RTN1: variants seen among roughly 807,000 people sequenced by gnomAD.
RTN1 encodes reticulon 1, also known as reticulon-1.
In RTN1, 25 loss-of-function variants were observed where a neutral mutation model predicts 65.5. The observed-to-expected ratio is 0.38, with a 90% CI of 0.28 to 0.53. RTN1 has a LOEUF of 0.53. Ranked by LOEUF, RTN1 falls within the 20% of genes least tolerant of loss-of-function variation. The probability of loss-of-function intolerance (pLI) is 0.79; values close to 1 mark genes in which losing one functional copy is unlikely to be tolerated. For missense variants in RTN1, 983 were observed against 1,025.4 expected (o/e 0.96, Z 0.57); for synonymous variants, 471 against 447.6 (o/e 1.05, Z -0.66).
At chr14:59,817,361 G>C (rs186644555) in intron 1 of RTN1, among the ~76,000 whole-genome samples, 283 of 152,240 alleles carry the variant, frequency 1.9e-3, no homozygotes, top group Middle Eastern at 0.014. Context: ...TTTTAAAAAA[G>C]ACACTAAACA....
At chr14:59,676,787 A>C (rs1322663467) in intron 3 of RTN1, among the ~76,000 whole-genome samples, 1 of 152,220 alleles carries the variant, frequency 6.6e-6, no homozygotes, top group Admixed American at 6.5e-5. Context: ...ACGGGTTTCT[A>C]AGGTCATTCT....
At chr14:59,749,268 A>ATC (rs1885322663) in intron 1 of RTN1, among the ~76,000 whole-genome samples, 1 of 21,086 alleles carries the variant, frequency 4.7e-5, no homozygotes, top group Non-Finnish European at 7.3e-5. Context: ...ATATATATCT[A>ATC]TATATATATC....
chr14:59,731,288 C>G (rs1383794317), intron 2 of RTN1, among the ~76,000 whole-genome samples: 1 of 151,914 alleles, frequency 6.6e-6, no homozygotes, highest in Non-Finnish European at 1.5e-5. Flanking sequence ...ATGAAATGTC[C>G]AGAATAAGTA....
At chr14:59,627,041 T>C (rs529236482) in intron 3 of RTN1, among the ~76,000 whole-genome samples, 3 of 152,346 alleles carry the variant, frequency 2.0e-5, no homozygotes, top group East Asian at 3.9e-4. Context: ...GGAGGAGTTA[T>C]GGATTTGAAG....
At chr14:59,645,469 T>C (rs1882874319) in intron 3 of RTN1, among the ~76,000 whole-genome samples, 1 of 150,502 alleles carries the variant, frequency 6.6e-6, no homozygotes, top group Non-Finnish European at 1.5e-5. Flanking sequence ...CATGAGTCCC[T>C]GTTCCCGTAT....
chr14:59,747,110 G>T (rs1885244643), intron 1 of RTN1, among the ~76,000 whole-genome samples: 1 of 152,176 alleles, frequency 6.6e-6, no homozygotes. Flanking sequence ...TATTTCATCA[G>T]TTTTCCCTCT....
intron 1 of RTN1, among the ~76,000 whole-genome samples, chr14:59,817,604 A>G (rs1886845593): frequency 6.6e-6 from 1 of 150,760 alleles, no homozygotes; most frequent in African/African-American, 2.4e-5. Flanking sequence ...TAAAGCATCC[A>G]TCTATCTACA....
chr14:59,712,453 C>G (rs762359693), intron 3 of RTN1, among the ~76,000 whole-genome samples: 1 of 152,108 alleles, frequency 6.6e-6, no homozygotes, highest in Non-Finnish European at 1.5e-5. Flanking sequence ...GGAAACCTCC[C>G]GAGAGGCAAC....
At position 59,726,953 on chromosome 14, in the gene RTN1, G is replaced by A; in HGVS notation, c.1731C>T (p.Ala577=). The part of the protein sequence containing the change: ...TKGPGPLGPG[A]PPPLLFLNKQ... ...TATTGAGAAACAGCAGTGGGGGCGGGGCGCCAGGACCTAGAGGCCCAGGGC... is the reference window on the plus strand; with the variant it reads ...TATTGAGAAACAGCAGTGGGGGCGGAGCGCCAGGACCTAGAGGCCCAGGGC... Residue 577 remains alanine (A), a synonymous_variant, in exon 3 of 9, where the codon GCC becomes GCT. Coordinates refer to ENST00000267484, the MANE Select transcript of RTN1 (RefSeq NM_021136.3). The A allele has an allele frequency of 1.2e-6, 2 of 1,613,240 alleles. No homozygotes were observed. The highest frequency in any genetic ancestry group is 1.7e-6 in the Non-Finnish European group (2 of 1,179,694).
intron 1 of RTN1, among the ~76,000 whole-genome samples, chr14:59,815,105 G>GA (rs921153282): frequency 1.5e-4 from 23 of 152,212 alleles, no homozygotes; most frequent in African/African-American, 5.3e-4. Flanking sequence ...CAATCACTTG[G>GA]AAAAAGACAG....
intron 1 of RTN1, among the ~76,000 whole-genome samples, chr14:59,772,008 C>T (rs1885968108): frequency 6.6e-6 from 1 of 152,128 alleles, no homozygotes; most frequent in African/African-American, 2.4e-5. Context: ...GTAATTACTT[C>T]TGATAATATG....
intron 1 of RTN1, among the ~76,000 whole-genome samples, chr14:59,866,268 C>G (rs1268135813): frequency 2.1e-4 from 32 of 152,148 alleles, no homozygotes; most frequent in Admixed American, 2.1e-3. Context: ...TTGAATTGAA[C>G]CGCAATGGTT....
intron 1 of RTN1, among the ~76,000 whole-genome samples, chr14:59,856,667 C>T (rs182344562): frequency 6.6e-6 from 1 of 152,174 alleles, no homozygotes; most frequent in East Asian, 1.9e-4. Context: ...CTCTCCACCC[C>T]CAATCCTTCC....
At chr14:59,819,408 A>ACCCCCCCCCCC (rs1566737409) in intron 1 of RTN1, among the ~76,000 whole-genome samples, 2 of 18,758 alleles carry the variant, frequency 1.1e-4, no homozygotes, top group African/African-American at 6.2e-4. Flanking sequence ...CATCCACACC[A>ACCCCCCCCCCC]CCACCACCCC....
rs1439835577 is a variant in RTN1, at chr14:59,757,702, AAAATGGGCCCTCACCTGACACTGAATCT to A, written c.242-11249_242-11222del. 2.8e-4 allele frequency among the ~76,000 whole-genome samples: 42 copies of A among 152,302 alleles called. 1 individual carries two copies. Among genetic ancestry groups the A allele is most frequent in the Admixed American group, 1.1e-3 (17 of 15,298 alleles). On this transcript the variant is annotated intron_variant, in intron 1 of 8. Coordinates refer to ENST00000267484, the MANE Select transcript of RTN1 (RefSeq NM_021136.3). The stretch of plus-strand genomic sequence containing the variant: ...AGAGGAGATGCCATCTATGAACCAG[AAAATGGGCCCTCACCTGACACTGAATCT>A]ACCAGTGCCTTGATCTTGGACTTTC...
At chr14:59,848,888 C>T (rs529871078) in intron 1 of RTN1, among the ~76,000 whole-genome samples, 3 of 152,272 alleles carry the variant, frequency 2.0e-5, no homozygotes, top group African/African-American at 7.2e-5. Context: ...GTACACAAAT[C>T]GTCACTGATG....
intron 1 of RTN1, among the ~76,000 whole-genome samples, chr14:59,838,408 G>A (rs1372769217): frequency 6.6e-5 from 10 of 152,126 alleles, no homozygotes; most frequent in Non-Finnish European, 1.0e-4. Flanking sequence ...AAACAACCAC[G>A]TATAGGAATG....
intron 1 of RTN1, among the ~76,000 whole-genome samples, chr14:59,807,932 A>G (rs1674011768): frequency 6.6e-6 from 1 of 152,220 alleles, no homozygotes; most frequent in South Asian, 2.1e-4. Flanking sequence ...TACAAAATAT[A>G]CATAAAGTAT....
intron 1 of RTN1, among the ~76,000 whole-genome samples, chr14:59,752,767 G>C (rs1885559064): frequency 6.6e-6 from 1 of 152,076 alleles, no homozygotes; most frequent in African/African-American, 2.4e-5. Flanking sequence ...TTAACGAGTG[G>C]TCTTATTCTG....
Sources: gnomAD v4.1 joint callset for allele counts (sites outside exome capture counted in the v4.1 genomes callset) on GRCh38, gnomAD v4.1.1 for gene constraint, MANE v1.5 for transcripts, NCBI Gene and HGNC (gene_info 2026-07-23, HGNC 2026-07-21) for gene names.